The following NAALADL2 variants were observed in gnomAD, a reference collection of about 807,000 sequenced individuals.
NAALADL2 encodes the protein inactive N-acetylated-alpha-linked acidic dipeptidase-like protein 2.
Under a neutral mutation model 87.2 loss-of-function variants are expected in NAALADL2, and 76 were observed. The observed-to-expected ratio is 0.87, with a 90% CI of 0.72 to 1.05. The LOEUF is 1.05. NAALADL2 is among the 50% of genes least tolerant of loss of function. The probability of loss-of-function intolerance (pLI) is 0.00; values close to 1 mark genes in which losing one functional copy is unlikely to be tolerated. For missense variants in NAALADL2, 1,089 were observed against 945.8 expected, an observed-to-expected ratio of 1.15 and a Z score of -1.99; for synonymous variants, 354 against 331.0, an observed-to-expected ratio of 1.07 and a Z score of -0.75.
At position 175,176,183 on chromosome 3, in the gene NAALADL2, G is replaced by T. The variant is rs73043223; in HGVS notation, c.546-57748G>T. Among the ~76,000 whole-genome samples the T allele has an allele frequency of 9.0e-3, 1,365 of 151,872 alleles. 26 individuals are homozygous for T. The highest frequency in any genetic ancestry group is 0.031 in the African/African-American group (1,282 of 41,448). ...CCAGAGAGCTGTAACTCTATTTCCC[G>T]CTGCCTTGGAAAATGACATTTTTTT... is the stretch of plus-strand genomic sequence containing the variant. On this transcript the variant is annotated intron_variant, in intron 2 of 13. Coordinates refer to ENST00000454872, the MANE Select transcript of NAALADL2 (RefSeq NM_207015.3).
chr3:174,830,466 A>G (rs1201001521), intron 3 of NAALADL2, among the ~76,000 whole-genome samples: 2 of 151,870 alleles, frequency 1.3e-5, no homozygotes, highest in Middle Eastern at 3.2e-3. Context: ...TTTTCCATTG[A>G]TCTATATCTC....
At chr3:174,575,614 A>G (rs949111132) in intron 2 of NAALADL2, among the ~76,000 whole-genome samples, 6 of 152,334 alleles carry the variant, frequency 3.9e-5, no homozygotes, top group Non-Finnish European at 5.9e-5. Context: ...AAACTTGGTT[A>G]TAAATCTTAA....
At chr3:175,018,647 G>C (rs549091159) in intron 1 of NAALADL2, among the ~76,000 whole-genome samples, 2 of 151,966 alleles carry the variant, frequency 1.3e-5, no homozygotes, top group East Asian at 3.9e-4. Context: ...TATGAGCTGG[G>C]GTATATTTAC....
intron 3 of NAALADL2, among the ~76,000 whole-genome samples, chr3:175,253,276 A>G (rs1749372289): frequency 6.6e-6 from 1 of 152,168 alleles, no homozygotes; most frequent in Non-Finnish European, 1.5e-5. Context: ...TAAAAATGCT[A>G]GGGTCCTTAA....
intron 3 of NAALADL2, among the ~76,000 whole-genome samples, chr3:174,831,929 G>A (rs1339832168): frequency 6.6e-6 from 1 of 151,432 alleles, no homozygotes; most frequent in African/African-American, 2.4e-5. Context: ...ATGGTAGTTT[G>A]TATTTCTGTG....
In NAALADL2 at chr3:175,407,222, A is replaced by G. The variant is rs1009744399; in HGVS notation, c.1091-40007A>G. Among the ~76,000 whole-genome samples, 30 of 152,242 alleles carry G rather than the reference A, an allele frequency of 2.0e-4. 2 individuals are homozygous for G. The highest frequency in any genetic ancestry group is 1.4e-3 in the Admixed American group (21 of 15,280). ...AATAAAAGTGTCAGCTAGTTATCTG[A>G]AATTTTCTTCTGATTTCCATGATAA... On this transcript the variant is annotated intron_variant, in intron 5 of 13. Coordinates refer to ENST00000454872, the MANE Select transcript of NAALADL2 (RefSeq NM_207015.3).
chr3:175,119,331 T>C (rs1360798284), intron 2 of NAALADL2, among the ~76,000 whole-genome samples: 1 of 151,654 alleles, frequency 6.6e-6, no homozygotes, highest in Non-Finnish European at 1.5e-5. Context: ...AGAAGGATAA[T>C]AAAAATTTGA....
chr3:174,730,806 G>T lies in NAALADL2; in HGVS notation c.-114-6835G>T, dbSNP rs544093299. The stretch of plus-strand genomic sequence containing the variant: ...TGAGACAAAAGTCTTTTAAGAAGTA[G>T]TTTTTTTAATGCTTTCCACTTATCA... On this transcript the variant is annotated intron_variant, in intron 2 of 3. Coordinates refer to the NAALADL2 transcript ENST00000434257. 1.2e-4 allele frequency among the ~76,000 whole-genome samples: 18 copies of T among 151,908 alleles called. No homozygotes were observed. The South Asian group carries it at 3.7e-3, about 32-fold the overall frequency.
intron 1 of NAALADL2, among the ~76,000 whole-genome samples, chr3:174,999,406 TAAG>T (rs1412046098): frequency 1.3e-5 from 2 of 152,180 alleles, no homozygotes; most frequent in Admixed American, 6.5e-5. Flanking sequence ...ATGCTTTTCT[TAAG>T]AAACCTTGGC....
chr3:175,367,099 C>G (rs1167142087), intron 5 of NAALADL2, among the ~76,000 whole-genome samples: 2 of 151,112 alleles, frequency 1.3e-5, no homozygotes, highest in African/African-American at 4.9e-5. Context: ...TTTCCCAGCA[C>G]CATTTATTAA....
chr3:174,765,277 G>A (rs1444596282), intron 3 of NAALADL2, among the ~76,000 whole-genome samples: 2 of 152,028 alleles, frequency 1.3e-5, no homozygotes, highest in African/African-American at 2.4e-5. Flanking sequence ...TTAAATAGTT[G>A]CAATGAGGAA....
chr3:174,569,647 A>G (rs1714690381), intron 2 of NAALADL2, among the ~76,000 whole-genome samples: 1 of 152,032 alleles, frequency 6.6e-6, no homozygotes, highest in Admixed American at 6.6e-5. Context: ...AAGTTTGTTG[A>G]ATTTTGTTTT....
intron 3 of NAALADL2, among the ~76,000 whole-genome samples, chr3:174,761,236 G>A (rs940362539): frequency 6.6e-6 from 1 of 151,982 alleles, no homozygotes. Flanking sequence ...TGATTATTCT[G>A]ATTTGGCAAT....
chr3:175,784,209 T>C (rs1751572699), intron 13 of NAALADL2, among the ~76,000 whole-genome samples: 1 of 149,316 alleles, frequency 6.7e-6, no homozygotes, highest in African/African-American at 2.5e-5. Flanking sequence ...AGAATGATGC[T>C]GGCCTCATAA....
At chr3:174,998,705 A>C (rs1450351853) in intron 1 of NAALADL2, among the ~76,000 whole-genome samples, 1 of 152,184 alleles carries the variant, frequency 6.6e-6, no homozygotes, top group Non-Finnish European at 1.5e-5. Flanking sequence ...CCATTGTTTC[A>C]GCACATAGGA....
rs9812138 is a variant in NAALADL2, at chr3:175,786,253, G to A, written c.2190-16752G>A. 3.7e-3 allele frequency among the ~76,000 whole-genome samples: 558 copies of A among 152,010 alleles called. 4 individuals are homozygous for A. The highest frequency in any genetic ancestry group is 0.013 in the African/African-American group (531 of 41,312). On this transcript the variant is annotated intron_variant, in intron 13 of 13. Coordinates refer to ENST00000454872, the MANE Select transcript of NAALADL2 (RefSeq NM_207015.3). Reference sequence around the variant, plus strand: ...CTGAATCTGAACCTTGGCCTGCCTTGCTAGATTGGGGAAGTTCTCCTGGAT... The same window carrying A: ...CTGAATCTGAACCTTGGCCTGCCTTACTAGATTGGGGAAGTTCTCCTGGAT...
intron 2 of NAALADL2, among the ~76,000 whole-genome samples, chr3:175,212,094 C>T (rs1285204716): frequency 3.3e-5 from 5 of 151,960 alleles, no homozygotes; most frequent in East Asian, 1.9e-4. Context: ...ATTTAAATGA[C>T]ACTTTATTAC....
intron 1 of NAALADL2, among the ~76,000 whole-genome samples, chr3:174,973,295 A>G (rs1475593193): frequency 1.3e-5 from 2 of 152,194 alleles, no homozygotes; most frequent in Non-Finnish European, 2.9e-5. Context: ...TGAAAGAAGA[A>G]TGAGTGAAAC....
At chr3:175,444,007 G>C (rs1162994111) in intron 5 of NAALADL2, among the ~76,000 whole-genome samples, 1 of 152,138 alleles carries the variant, frequency 6.6e-6, no homozygotes, top group African/African-American at 2.4e-5. Flanking sequence ...AATGGCTTAA[G>C]CAAAAACATG....
Sources: gnomAD v4.1 joint callset for allele counts (sites outside exome capture counted in the v4.1 genomes callset) on GRCh38, gnomAD v4.1.1 for gene constraint, MANE v1.5 for transcripts, NCBI Gene and HGNC (gene_info 2026-07-23, HGNC 2026-07-21) for gene names.